Variants in ABLIM2 observed in about 807,000 individuals in gnomAD.
The protein encoded by ABLIM2 is actin binding LIM protein family member 2.
A neutral mutation model predicts 97.7 loss-of-function variants in ABLIM2; 53 were observed. That is an observed-to-expected ratio of 0.54 (90% CI 0.44 to 0.68). The LOEUF is 0.68. Ranked by LOEUF, ABLIM2 falls within the 30% of genes least tolerant of loss-of-function variation. The pLI is 0.00. For synonymous variants in ABLIM2, 361 were observed against 345.8 expected (o/e 1.04, Z -0.49); for missense variants, 835 against 867.2 (o/e 0.96, Z 0.47).
chr4:8,070,403 T>C (rs931592200), intron 6 of ABLIM2, among the ~76,000 whole-genome samples: 3 of 152,020 alleles, frequency 2.0e-5, no homozygotes, highest in Non-Finnish European at 4.4e-5. Context: ...TTTTGGCTTA[T>C]TTTATGATAA....
intron 14 of ABLIM2, among the ~76,000 whole-genome samples, chr4:8,017,437 T>C (rs527478940): frequency 2.0e-5 from 3 of 151,968 alleles, no homozygotes; most frequent in Admixed American, 6.6e-5. Flanking sequence ...CAGGTGCACA[T>C]TGCCACACCT....
In ABLIM2 at chr4:7,983,324, G is replaced by A. The variant is rs1288718802; in HGVS notation, c.1764C>T (p.Leu588=). 3 of 1,612,458 alleles carry A rather than the reference G, an allele frequency of 1.9e-6. No homozygotes were observed. In the South Asian group the frequency reaches 3.3e-5, roughly 18 times the overall value. ...TCACGCGAATTCGGTTTGTGACGAT[G>A]AGGGAGTCATACGGATAGATCTGTT... ...REYKIYPYDS[L]IVTNRIRVKL... Residue 588 remains leucine (L), a synonymous_variant, in exon 20 of 21, where the codon CTC becomes CTT. Transcript: ENST00000447017.
chr4:8,026,885 G>A (rs950535633), intron 12 of ABLIM2, among the ~76,000 whole-genome samples: 1 of 146,488 alleles, frequency 6.8e-6, no homozygotes, highest in Admixed American at 6.7e-5. Context: ...TTTTACCTGA[G>A]TGTGTGTGTC....
Position 8,001,486 on chromosome 4 carries a change from C to A in ABLIM2, c.1618+6573G>T, listed in dbSNP as rs1258222107. Among the ~76,000 whole-genome samples the A allele has an allele frequency of 6.6e-6, 1 of 152,138 alleles. No individual in the cohort carries two copies. On this transcript the variant is annotated intron_variant, in intron 16 of 20. Coordinates refer to ENST00000447017, the MANE Select transcript of ABLIM2 (RefSeq NM_001130083.2). The surrounding 1 kb of genome is among the most constrained non-coding windows in gnomAD (Gnocchi z 4.2). The stretch of plus-strand genomic sequence containing the variant: ...AGCATGCTCTGCCTGGGGCCACTGT[C>A]CTCGGGGTGGTGTATACCTCCAGCC...
At chr4:8,154,385 G>C (rs1354731378) in intron 1 of ABLIM2, among the ~76,000 whole-genome samples, 2 of 143,416 alleles carry the variant, frequency 1.4e-5, no homozygotes, top group South Asian at 2.2e-4. Flanking sequence ...TGGTTCAAGC[G>C]ATTCTCCTGC....
chr4:8,048,611 G>A (rs1048160849), intron 8 of ABLIM2, among the ~76,000 whole-genome samples: 2 of 152,180 alleles, frequency 1.3e-5, no homozygotes, highest in East Asian at 1.9e-4. Flanking sequence ...TGCCGGGACC[G>A]TCTCGCTCCC....
chr4:8,152,125 C>T (rs1005849245), intron 1 of ABLIM2, among the ~76,000 whole-genome samples: 4 of 152,150 alleles, frequency 2.6e-5, no homozygotes, highest in Non-Finnish European at 5.9e-5. Flanking sequence ...CCAAGAAGCG[C>T]CATCATGATG....
chr4:8,025,573 C>A (rs540685312), intron 12 of ABLIM2, among the ~76,000 whole-genome samples: 32 of 152,340 alleles, frequency 2.1e-4, no homozygotes, highest in Admixed American at 1.2e-3. Flanking sequence ...CCCCAGGGGG[C>A]CTGTCCTGGG....
chr4:8,051,107 C>T (rs953237028), intron 8 of ABLIM2, among the ~76,000 whole-genome samples: 7 of 152,254 alleles, frequency 4.6e-5, no homozygotes, highest in Non-Finnish European at 1.0e-4. Context: ...AGGCCTCCTG[C>T]AGGTCTCATG....
At chr4:8,026,423 G>C (rs549997032) in intron 12 of ABLIM2, among the ~76,000 whole-genome samples, 2 of 152,352 alleles carry the variant, frequency 1.3e-5, no homozygotes, top group East Asian at 3.9e-4. Flanking sequence ...CACGGGGCCC[G>C]CCCAAAGCAA....
intron 11 of ABLIM2, among the ~76,000 whole-genome samples, chr4:8,028,438 C>T (rs1323331426): frequency 6.6e-6 from 1 of 152,176 alleles, no homozygotes; most frequent in East Asian, 1.9e-4. Flanking sequence ...CATTCATTCA[C>T]TCACTTACTT....
chr4:8,066,041 C>A (rs1344656832), intron 6 of ABLIM2, among the ~76,000 whole-genome samples: 4 of 148,514 alleles, frequency 2.7e-5, no homozygotes, highest in Non-Finnish European at 6.0e-5. Context: ...GTGGCTCATG[C>A]CCGTAATCCC....
chr4:7,977,677 G>T (rs1267414641), intron 20 of ABLIM2, among the ~76,000 whole-genome samples: 1 of 152,108 alleles, frequency 6.6e-6, no homozygotes, highest in Non-Finnish European at 1.5e-5. Flanking sequence ...TGTAGTCCCA[G>T]CTACTCAGGA....
At chr4:8,040,598 G>A (rs1342198171) in intron 9 of ABLIM2, among the ~76,000 whole-genome samples, 4 of 146,444 alleles carry the variant, frequency 2.7e-5, no homozygotes, top group Non-Finnish European at 6.0e-5. Flanking sequence ...GCGACAGAGC[G>A]AGACTCCATT....
At chr4:8,007,533 T>C in intron 16 of ABLIM2, 1 of 985,686 alleles carries the variant, frequency 1.0e-6, no homozygotes. Flanking sequence ...TTTCTCTACA[T>C]TTGAAAATCA....
intron 14 of ABLIM2, chr4:8,010,652 A>G: frequency 1.1e-6 from 1 of 919,164 alleles, no homozygotes; most frequent in South Asian, 5.0e-5. Flanking sequence ...CTTCCAGGAG[A>G]GACAGTGATT....
In ABLIM2 at chr4:8,082,398, G is replaced by A. The variant is rs1374004764; in HGVS notation, c.455-1596C>T. Among the ~76,000 whole-genome samples the A allele has an allele frequency of 5.3e-5, 8 of 152,292 alleles. No individual in the cohort carries two copies. In the East Asian group the frequency reaches 1.5e-3, roughly 29 times the overall value. On this transcript the variant is annotated intron_variant, in intron 4 of 20. Coordinates refer to ENST00000447017, the MANE Select transcript of ABLIM2 (RefSeq NM_001130083.2). This position sits in a 1 kb window ranked among gnomAD's most constrained non-coding sequence, Gnocchi z 5.6. ...AGTGCTAATTTACACAGAAGACCTGGCCCAAAGCCTTGCGCATCCCGGGTG... is the reference window on the plus strand; with the variant it reads ...AGTGCTAATTTACACAGAAGACCTGACCCAAAGCCTTGCGCATCCCGGGTG...
rs1429699749 is a variant in ABLIM2 at position 7,983,650 on chromosome 4, T to TC, written c.1736-97dup. 3.4e-6 allele frequency: 5 copies of TC among 1,454,782 alleles called. No individual in the cohort carries two copies. In the African/African-American group the frequency reaches 4.2e-5, roughly 12 times the overall value. The allele number at this position is 1,454,782 out of a possible 1,614,324, so 90.1% of individuals were successfully genotyped here. On this transcript the variant is annotated intron_variant, in intron 18 of 20. Coordinates refer to ENST00000447017, the MANE Select transcript of ABLIM2 (RefSeq NM_001130083.2). ...ATCCCTGCCCTGGGGTACCCCTGTC[T>TC]CCCCCCTGCAGTCACCTGGGCCATG... is the stretch of plus-strand genomic sequence containing the variant.
In ABLIM2 at chr4:8,087,056, T is replaced by C. The variant is rs1338813074; in HGVS notation, c.454+1113A>G. ...GAAGTGGAATCGCCTCTGTAGAGAC[T>C]CTCAACGCAGCAGACAAGGTGGGGG... On this transcript the variant is annotated intron_variant, in intron 4 of 20. Transcript: ENST00000447017. This position sits in a 1 kb window ranked among gnomAD's most constrained non-coding sequence, Gnocchi z 4.6. Among the ~76,000 whole-genome samples, 1 of 152,060 alleles carries C rather than the reference T, an allele frequency of 6.6e-6. No individual in the cohort carries two copies. The highest frequency in any genetic ancestry group is 1.5e-5 in the Non-Finnish European group (1 of 68,012).
Sources: gnomAD v4.1 joint callset for allele counts (sites outside exome capture counted in the v4.1 genomes callset) on GRCh38, gnomAD v4.1.1 for gene constraint, Gnocchi (gnomAD v3.1) non-coding constraint, MANE v1.5 for transcripts, NCBI Gene and HGNC (gene_info 2026-07-23, HGNC 2026-07-21) for gene names.